The following CPEB3 variants were observed in gnomAD, a reference collection of about 807,000 sequenced individuals.
The protein encoded by CPEB3 is cytoplasmic polyadenylation element binding protein 3.
In CPEB3, 20 loss-of-function variants were observed where a neutral mutation model predicts 67.2. That is an observed-to-expected ratio of 0.30 (90% CI 0.21 to 0.43). The LOEUF (loss-of-function observed/expected upper bound fraction) is 0.43. Ranked by LOEUF, CPEB3 falls within the 20% of genes least tolerant of loss-of-function variation. The pLI is 1.00. For synonymous variants in CPEB3, 376 were observed against 393.1 expected (o/e 0.96, Z 0.51); for missense variants, 746 against 968.6 (o/e 0.77, Z 3.05).
At chr10:92,134,266 C>T (rs1845982307) in intron 6 of CPEB3, among the ~76,000 whole-genome samples, 1 of 152,130 alleles carries the variant, frequency 6.6e-6, no homozygotes, top group Non-Finnish European at 1.5e-5. Flanking sequence ...ATTTAGAAAA[C>T]CCCATCATCT....
intron 1 of CPEB3, among the ~76,000 whole-genome samples, chr10:92,285,691 T>C (rs1307690760): frequency 1.3e-5 from 2 of 152,190 alleles, no homozygotes. Flanking sequence ...AACTTCTTTC[T>C]TTACATCCTT....
intron 1 of CPEB3, among the ~76,000 whole-genome samples, chr10:92,262,900 G>A (rs926483693): frequency 6.6e-6 from 1 of 151,994 alleles, no homozygotes; most frequent in Non-Finnish European, 1.5e-5. Flanking sequence ...GCTCACTGCA[G>A]TCTTGACTCC....
At chr10:92,168,669 GGCACTTCTCTCTCCTGCTGTCATGT>G (rs1417916887) in intron 4 of CPEB3, among the ~76,000 whole-genome samples, 1 of 151,886 alleles carries the variant, frequency 6.6e-6, no homozygotes, top group Non-Finnish European at 1.5e-5. Flanking sequence ...CTCTTTGCTT[GGCACTTCTCTCTCCTGCTGTCATGT>G]GAAGAAGGAT....
At chr10:92,062,696 A>C (rs1842400231) in intron 9 of CPEB3, among the ~76,000 whole-genome samples, 1 of 152,212 alleles carries the variant, frequency 6.6e-6, no homozygotes, top group Non-Finnish European at 1.5e-5. Flanking sequence ...TATTTTTCCC[A>C]ACAAACAAAT....
At chr10:92,272,167 T>C (rs1564924282) in intron 1 of CPEB3, 1 of 152,158 alleles carries the variant, frequency 6.6e-6, no homozygotes, top group African/African-American at 2.4e-5. Flanking sequence ...TCAAGTGTGA[T>C]AGTGAGGGGG....
intron 9 of CPEB3, among the ~76,000 whole-genome samples, chr10:92,071,070 TACACACACACACAC>T (rs58497259): frequency 6.8e-5 from 10 of 147,616 alleles, no homozygotes; most frequent in East Asian, 2.0e-4. Flanking sequence ...CACTTTCATT[TACACACACACACAC>T]ACACACACAC....
At chr10:92,216,847 A>C in intron 2 of CPEB3, 6 of 1,544,934 alleles carry the variant, frequency 3.9e-6, no homozygotes, top group Non-Finnish European at 5.4e-6. Flanking sequence ...GGCTGACGGC[A>C]GGACGACTGG....
intron 2 of CPEB3, among the ~76,000 whole-genome samples, chr10:92,198,617 A>G (rs559429481): frequency 3.5e-4 from 53 of 152,360 alleles, no homozygotes; most frequent in South Asian, 8.3e-4. Context: ...GGATAAAAGT[A>G]GCTCTGGAAC....
chr10:92,140,875 A>T (rs2133813086), intron 6 of CPEB3, among the ~76,000 whole-genome samples: 1 of 65,338 alleles, frequency 1.5e-5, no homozygotes, highest in Non-Finnish European at 3.1e-5. Context: ...AAAACACATG[A>T]AAAAATGCTC....
At chr10:92,101,212 G>A (rs1373978321) in intron 7 of CPEB3, among the ~76,000 whole-genome samples, 5 of 152,060 alleles carry the variant, frequency 3.3e-5, no homozygotes, top group East Asian at 3.9e-4. Flanking sequence ...CCTCAAAGCC[G>A]TATGTTCTTT....
chr10:92,267,547 T>A (rs1005790800), intron 1 of CPEB3, among the ~76,000 whole-genome samples: 3 of 152,200 alleles, frequency 2.0e-5, no homozygotes, highest in African/African-American at 7.2e-5. Flanking sequence ...TAAGCAGAGC[T>A]GTGACATGCT....
chr10:92,091,767 T>G (rs1466394480), intron 8 of CPEB3, 63 bp downstream of exon 8: 5 of 971,880 alleles, frequency 5.1e-6, no homozygotes, highest in Middle Eastern at 2.1e-4. Context: ...TATTTAAGAC[T>G]AAAGGCATTG....
intron 1 of CPEB3, among the ~76,000 whole-genome samples, chr10:92,246,273 G>C (rs560163005): frequency 3.4e-4 from 51 of 151,088 alleles, no homozygotes; most frequent in African/African-American, 1.2e-3. Context: ...GGCGGAGCTT[G>C]CAGTGAGCCA....
intron 4 of CPEB3, among the ~76,000 whole-genome samples, chr10:92,171,956 A>G (rs1254634971): frequency 6.6e-6 from 1 of 152,118 alleles, no homozygotes; most frequent in Admixed American, 6.5e-5. Flanking sequence ...TAGGAGCACT[A>G]CACAACCTTA....
rs1027571234 is a variant in CPEB3 at position 92,126,946 on chromosome 10, G to T, written c.1454-15752C>A. On this transcript the variant is annotated intron_variant, in intron 6 of 9. Coordinates refer to ENST00000265997, the MANE Select transcript of CPEB3 (RefSeq NM_014912.5). ...TGATCAAGTAATGAACTCATCATTT[G>T]CCAGGATACAATTCATTCATCTAAT... 2.0e-5 allele frequency among the ~76,000 whole-genome samples: 3 copies of T among 152,130 alleles called. 1 individual carries two copies. The South Asian group carries it at 6.2e-4, about 32-fold the overall frequency.
intron 1 of CPEB3, among the ~76,000 whole-genome samples, chr10:92,273,575 T>C (rs1044144421): frequency 2.0e-5 from 3 of 152,198 alleles, no homozygotes; most frequent in Admixed American, 2.0e-4. Flanking sequence ...TTATTATGTA[T>C]ACTTTCTCTT....
At chr10:92,285,947 CT>C (rs11380868) in intron 1 of CPEB3, among the ~76,000 whole-genome samples, 2,254 of 142,412 alleles carry the variant, frequency 0.016, 44 homozygotes, top group African/African-American at 0.046. Flanking sequence ...TTGCTTTTTT[CT>C]TTTTTTTTTT....
intron 6 of CPEB3, among the ~76,000 whole-genome samples, chr10:92,116,121 A>G (rs1182969891): frequency 6.6e-6 from 1 of 151,166 alleles, no homozygotes; most frequent in Non-Finnish European, 1.5e-5. Flanking sequence ...CTGTATGTCC[A>G]AGGCATAAGG....
intron 1 of CPEB3, among the ~76,000 whole-genome samples, chr10:92,289,751 A>ATATTTATGTATTATATATTATAAATG (rs1554944344): frequency 4.2e-5 from 5 of 119,230 alleles, no homozygotes; most frequent in African/African-American, 2.1e-4. Context: ...ATATATATAT[A>ATATTTATGTATTATATATTATAAATG]TATATATGTA....
Sources: gnomAD v4.1 joint callset for allele counts (sites outside exome capture counted in the v4.1 genomes callset) on GRCh38, gnomAD v4.1.1 for gene constraint, MANE v1.5 for transcripts, NCBI Gene and HGNC (gene_info 2026-07-23, HGNC 2026-07-21) for gene names.